The following RSL24D1 variants were observed in gnomAD, a reference collection of about 807,000 sequenced individuals.
RSL24D1 encodes probable ribosome biogenesis protein RLP24.
In RSL24D1, 6 loss-of-function variants were observed where a neutral mutation model predicts 26.2. The ratio of observed to expected loss-of-function variants is 0.23; its 90% CI spans 0.13 to 0.45. RSL24D1 has a LOEUF of 0.45. Among genes scored for constraint, RSL24D1 ranks in the 20% least tolerant of loss-of-function variants. The probability of loss-of-function intolerance (pLI) is 0.99; values close to 1 mark genes in which losing one functional copy is unlikely to be tolerated. For synonymous variants in RSL24D1, 61 were observed against 59.1 expected, an observed-to-expected ratio of 1.03 and a Z score of -0.15; for missense variants, 176 against 202.6, an observed-to-expected ratio of 0.87 and a Z score of 0.80.
At position 55,181,925 on chromosome 15, in the gene RSL24D1, G is replaced by A. The variant is rs1426245926; in HGVS notation, c.*227C>T. ...CCACAATTCACTTCTATAGTTACAA[G>A]TAGAATTTTCATGATTTACTTAAGT... On this transcript the variant is annotated 3_prime_UTR_variant, in exon 6 of 6. Transcript: ENST00000260443. 1 of 445,570 alleles carries A rather than the reference G, an allele frequency of 2.2e-6. No homozygotes were observed. Among genetic ancestry groups the A allele is most frequent in the Non-Finnish European group, 4.0e-6 (1 of 249,420 alleles). The allele number at this position is 445,570 out of a possible 1,614,324, so 27.6% of individuals were successfully genotyped here. A position where few individuals can be genotyped will look rare whatever the true frequency, so the allele number is the denominator to read the frequency against.
chr15:55,194,612 C>T (rs1400273452), intron 1 of RSL24D1, among the ~76,000 whole-genome samples: 1 of 152,072 alleles, frequency 6.6e-6, no homozygotes, highest in Middle Eastern at 3.2e-3. Flanking sequence ...ATTAAGCCCT[C>T]ATTAAGAATG....
At chr15:55,189,896 C>G (rs1229288254) in intron 3 of RSL24D1, among the ~76,000 whole-genome samples, 2 of 152,184 alleles carry the variant, frequency 1.3e-5, no homozygotes, top group Admixed American at 6.5e-5. Flanking sequence ...ACATCACCCC[C>G]ACACCCAATA....
At chr15:55,194,257 T>C (rs1417712418) in intron 1 of RSL24D1, 1 of 152,214 alleles carries the variant, frequency 6.6e-6, no homozygotes, top group Admixed American at 6.5e-5. Context: ...GTTGTACTAG[T>C]GCTAAGGATA....
chr15:55,196,871 T>C lies in RSL24D1; in HGVS notation c.20A>G (p.Tyr7Cys), dbSNP rs756569215. The change falls in exon 1 of 6, where the codon TAT (tyrosine) becomes TGT (cysteine). Residue 7 changes from tyrosine (Y) to cysteine (C), a missense_variant. Transcript: ENST00000260443. ...AGGATAGATGGGCCCCGAACAGAAA[T>C]AACACTTTTCGATACGCATGTTGAA... is the stretch of plus-strand genomic sequence containing the variant. MRIEKC[Y>C]FCSGPIYPGH... 4 of 1,614,066 alleles carry C rather than the reference T, an allele frequency of 2.5e-6. No individual in the cohort carries two copies. The highest frequency in any genetic ancestry group is 3.3e-5 in the Admixed American group (2 of 60,014).
At chr15:55,183,821 C>T (rs1363714623) in intron 4 of RSL24D1, among the ~76,000 whole-genome samples, 1 of 152,130 alleles carries the variant, frequency 6.6e-6, no homozygotes, top group Non-Finnish European at 1.5e-5. Flanking sequence ...AACACTTATT[C>T]ATTCATTCAT....
At chr15:55,195,728 ATCT>A (rs1480828883) in intron 1 of RSL24D1, 2 of 152,334 alleles carry the variant, frequency 1.3e-5, no homozygotes. Flanking sequence ...AGTATTCAAA[ATCT>A]TCTAGGTTCT....
intron 5 of RSL24D1, among the ~76,000 whole-genome samples, chr15:55,183,072 C>A (rs572451966): frequency 6.6e-6 from 1 of 152,046 alleles, no homozygotes; most frequent in Non-Finnish European, 1.5e-5. Context: ...AAAATTATTA[C>A]GCAAATCATT....
rs771355414 is a variant in RSL24D1 at position 55,181,258 on chromosome 15, C to T, written c.*894G>A. The T allele has an allele frequency of 4.6e-5, 7 of 152,294 alleles. 1 individual carries two copies. The highest frequency in any genetic ancestry group is 8.8e-5 in the Non-Finnish European group (6 of 68,018). The allele number at this position is 152,294 out of a possible 1,614,324, so 9.4% of individuals were successfully genotyped here. ...ATGTGTGGAGGAAGATTTCTTCTTC[C>T]AGGTCATCAATATTTCATATCTTTG... On this transcript the variant is annotated 3_prime_UTR_variant, in exon 6 of 6. Transcript: ENST00000260443.
chr15:55,187,919 T>A (rs1053696484), intron 3 of RSL24D1, among the ~76,000 whole-genome samples: 1 of 151,554 alleles, frequency 6.6e-6, no homozygotes, highest in African/African-American at 2.4e-5. Context: ...AACAAAAATA[T>A]GTAAAAAGTT....
intron 1 of RSL24D1, 60 bp from the exon 2 acceptor site, chr15:55,192,893 T>A: frequency 2.8e-6 from 3 of 1,062,122 alleles, no homozygotes; most frequent in Non-Finnish European, 4.4e-6. Context: ...TCACAAGACG[T>A]TACCCCTGCT....
intron 1 of RSL24D1, among the ~76,000 whole-genome samples, chr15:55,193,593 G>T (rs1436888512): frequency 6.6e-6 from 1 of 152,142 alleles, no homozygotes; most frequent in Non-Finnish European, 1.5e-5. Context: ...CACCTAAAAG[G>T]TATGACAGAT....
In RSL24D1 at chr15:55,181,176, C is replaced by T. The variant is rs937374961; in HGVS notation, c.*976G>A. 2 of 152,118 alleles carry T rather than the reference C, an allele frequency of 1.3e-5. No homozygotes were observed. Among genetic ancestry groups the T allele is most frequent in the African/African-American group, 4.8e-5 (2 of 41,432 alleles). 9.4% of individuals were successfully genotyped at this position (152,118 alleles called of 1,614,324 possible). On this transcript the variant is annotated 3_prime_UTR_variant, in exon 6 of 6. Transcript: ENST00000260443. ...CTGTAAACAATGTAAAAACACAAAA[C>T]ATTAAGTATTAAGTATCTATTTCTC...
At position 55,196,929 on chromosome 15, in the gene RSL24D1, C is replaced by T. The variant is rs764564900; in HGVS notation, c.-39G>A. ...GTAACCCCACCAAACAAACGCCAAG[C>T]TTGAGAGGAAGTGATGCAACCCCGT... is the stretch of plus-strand genomic sequence containing the variant. On this transcript the variant is annotated 5_prime_UTR_variant, in exon 1 of 6. Coordinates refer to ENST00000260443, the MANE Select transcript of RSL24D1 (RefSeq NM_016304.3). 6.2e-7 allele frequency: 1 copy of T among 1,601,292 alleles called. No individual in the cohort carries two copies. Among genetic ancestry groups the T allele is most frequent in the South Asian group, 1.1e-5 (1 of 90,660 alleles).
rs939379107 is a variant in RSL24D1 at position 55,184,152 on chromosome 15, T to C, written c.333-752A>G. Among the ~76,000 whole-genome samples, 22 of 152,260 alleles carry C rather than the reference T, an allele frequency of 1.4e-4. 1 individual carries two copies. The highest frequency in any genetic ancestry group is 7.8e-4 in the Admixed American group (12 of 15,288). On this transcript the variant is annotated intron_variant, in intron 4 of 5. Transcript: ENST00000260443. ...TGCTTCTTTTCCATGACATATTCCA[T>C]AGCAATTAATTTAAAAGCTAATGGT...
chr15:55,187,483 T>C (rs773630899), intron 3 of RSL24D1, among the ~76,000 whole-genome samples: 1 of 152,110 alleles, frequency 6.6e-6, no homozygotes, highest in African/African-American at 2.4e-5. Flanking sequence ...TGCAAAGATA[T>C]GGAACCAACC....
rs984498439 is a variant in RSL24D1 at position 55,196,707 on chromosome 15, C to G, written c.81+103G>C. The G allele has an allele frequency of 8.1e-6, 9 of 1,117,532 alleles. No homozygotes were observed. The African/African-American group carries it at 9.3e-5, about 12-fold the overall frequency. The allele number at this position is 1,117,532 out of a possible 1,614,324, so 69.2% of individuals were successfully genotyped here. A position where few individuals can be genotyped will look rare whatever the true frequency, so the allele number is the denominator to read the frequency against. On this transcript the variant is annotated intron_variant, in intron 1 of 5. Transcript: ENST00000260443. Reference sequence around the variant, plus strand: ...CCTCCCAGGGGAACAACGGGAGGAACCCGGGCCAAACACGGCAGACGCAGA... The same window carrying G: ...CCTCCCAGGGGAACAACGGGAGGAAGCCGGGCCAAACACGGCAGACGCAGA...
At chr15:55,196,381 A>G (rs541946292) in intron 1 of RSL24D1, 23 of 460,550 alleles carry the variant, frequency 5.0e-5, no homozygotes, top group African/African-American at 3.8e-4. Context: ...TAACTCTACC[A>G]TTAAGCAATA....
chr15:55,189,273 A>C (rs1156754006), intron 3 of RSL24D1, among the ~76,000 whole-genome samples: 1 of 152,064 alleles, frequency 6.6e-6, no homozygotes, highest in African/African-American at 2.4e-5. Context: ...AAATCAATTT[A>C]AGAATCCTAT....
intron 3 of RSL24D1, among the ~76,000 whole-genome samples, chr15:55,189,137 G>A (rs374224132): frequency 1.4e-5 from 2 of 146,424 alleles, no homozygotes; most frequent in Admixed American, 6.9e-5. Context: ...AGATTGCAGT[G>A]AGCCGAGATC....
Sources: gnomAD v4.1 joint callset for allele counts (sites outside exome capture counted in the v4.1 genomes callset) on GRCh38, gnomAD v4.1.1 for gene constraint, MANE v1.5 for transcripts, NCBI Gene and HGNC (gene_info 2026-07-23, HGNC 2026-07-21) for gene names.